SLC9C1: variants seen among roughly 807,000 people sequenced by gnomAD.
SLC9C1 encodes sodium/hydrogen exchanger 10.
SLC9C1 carries 97 observed loss-of-function variants against 140.9 expected under a neutral mutation model. The observed-to-expected ratio is 0.69, with a 90% CI of 0.58 to 0.82. SLC9C1 has a LOEUF of 0.82. Ranked by LOEUF, SLC9C1 falls within the 40% of genes least tolerant of loss-of-function variation. The probability of loss-of-function intolerance (pLI) is 0.00; values close to 1 mark genes in which losing one functional copy is unlikely to be tolerated. For synonymous variants in SLC9C1, 440 were observed against 442.6 expected, an observed-to-expected ratio of 0.99 and a Z score of 0.07; for missense variants, 1,340 against 1,389.3, an observed-to-expected ratio of 0.96 and a Z score of 0.56.
intron 10 of SLC9C1, among the ~76,000 whole-genome samples, chr3:112,257,341 C>T (rs1007503813): frequency 8.6e-5 from 13 of 151,996 alleles, no homozygotes; most frequent in Non-Finnish European, 4.4e-5. Context: ...GGTACTGGTA[C>T]AAAAACAGAC....
chr3:112,199,022 C>T (rs542830250), intron 20 of SLC9C1, among the ~76,000 whole-genome samples: 18 of 149,776 alleles, frequency 1.2e-4, no homozygotes, highest in Non-Finnish European at 2.5e-4. Flanking sequence ...AGATAATTCC[C>T]CAAACATAAT....
intron 12 of SLC9C1, among the ~76,000 whole-genome samples, chr3:112,232,422 T>C (rs2078853224): frequency 6.6e-6 from 1 of 152,142 alleles, no homozygotes; most frequent in Non-Finnish European, 1.5e-5. Context: ...CAATCAGGTA[T>C]TGGAAGCTAC....
chr3:112,238,999 T>C (rs1285210020), intron 12 of SLC9C1, among the ~76,000 whole-genome samples: 1 of 152,194 alleles, frequency 6.6e-6, no homozygotes, highest in Non-Finnish European at 1.5e-5. Flanking sequence ...GATAGGGACA[T>C]TTAAGCCTGC....
In SLC9C1 at chr3:112,180,684, A is replaced by G. The variant is rs745594802; in HGVS notation, c.2650-22T>C. 1.3e-5 allele frequency: 20 copies of G among 1,536,006 alleles called. No homozygotes were observed. The East Asian group carries it at 3.8e-4, about 29-fold the overall frequency. On this transcript the variant is annotated intron_variant, in intron 21 of 28. Coordinates refer to ENST00000305815, the MANE Select transcript of SLC9C1 (RefSeq NM_183061.3). ...TTTCCTAAAAGATACCACCAAATAC[A>G]TAAACTATAAACAACATTTTAGAAG...
chr3:112,234,139 A>T (rs1478847684), intron 12 of SLC9C1, among the ~76,000 whole-genome samples: 1 of 152,034 alleles, frequency 6.6e-6, no homozygotes, highest in Admixed American at 6.6e-5. Flanking sequence ...CCTCTCCAGC[A>T]CCTGTTGTTT....
At chr3:112,260,105 A>G (rs2079730663) in intron 10 of SLC9C1, among the ~76,000 whole-genome samples, 1 of 152,102 alleles carries the variant, frequency 6.6e-6, no homozygotes, top group Non-Finnish European at 1.5e-5. Context: ...GAGGAGTATT[A>G]AAGTGTCCAA....
rs908544202 is a variant in SLC9C1 at position 112,158,013 on chromosome 3, T to TC, written c.3365-2965dup. Among the ~76,000 whole-genome samples the TC allele has an allele frequency of 2.6e-5, 4 of 152,056 alleles. No individual in the cohort carries two copies. The East Asian group carries it at 7.7e-4, about 29-fold the overall frequency. ...TCCAAGTTGGATGCCTTTATTTTTTTCCCTCGCCTAATTGCTCTGGCTTGG... is the reference window on the plus strand; with the variant it reads ...TCCAAGTTGGATGCCTTTATTTTTTTCCCCTCGCCTAATTGCTCTGGCTTGG... On this transcript the variant is annotated intron_variant, in intron 26 of 28. Coordinates refer to ENST00000305815, the MANE Select transcript of SLC9C1 (RefSeq NM_183061.3).
intron 21 of SLC9C1, among the ~76,000 whole-genome samples, 166 bp from the exon 22 acceptor site, chr3:112,180,828 T>C (rs536218913): frequency 6.6e-4 from 100 of 152,308 alleles, no homozygotes; most frequent in Middle Eastern, 3.4e-3. Context: ...CTCCCCCTCC[T>C]GGGTTCAAGC....
In SLC9C1 at chr3:112,199,314, G is replaced by T; in HGVS notation, c.2523+7C>A. On this transcript the variant is annotated splice_region_variant and intron_variant, in intron 20 of 28. Coordinates refer to ENST00000305815, the MANE Select transcript of SLC9C1 (RefSeq NM_183061.3). ...AATATACTTGCTTTGAAAATATTTT[G>T]CCTTACCTTATTAATTCCAGCACCT... 2 of 1,547,046 alleles carry T rather than the reference G, an allele frequency of 1.3e-6. No individual in the cohort carries two copies. The highest frequency in any genetic ancestry group is 1.7e-6 in the Non-Finnish European group (2 of 1,149,572).
chr3:112,212,019 A>G (rs2078222334), intron 15 of SLC9C1, among the ~76,000 whole-genome samples: 1 of 152,224 alleles, frequency 6.6e-6, no homozygotes, highest in Non-Finnish European at 1.5e-5. Flanking sequence ...ATCCGGAGGA[A>G]TGATCAGGCA....
At chr3:112,180,712 G>A (rs766519601) in intron 21 of SLC9C1, 50 bp from the exon 22 acceptor site, 5 of 1,446,640 alleles carry the variant, frequency 3.5e-6, no homozygotes, top group African/African-American at 2.9e-5. Context: ...TTTAGAAGTG[G>A]TTGGGAATGT....
At chr3:112,201,673 A>G (rs942624839) in intron 18 of SLC9C1, among the ~76,000 whole-genome samples, 3 of 152,010 alleles carry the variant, frequency 2.0e-5, no homozygotes, top group East Asian at 1.9e-4. Context: ...CTTACTCACT[A>G]TGGAACTTTG....
intron 10 of SLC9C1, among the ~76,000 whole-genome samples, chr3:112,259,399 A>C (rs1486176208): frequency 6.7e-6 from 1 of 149,664 alleles, no homozygotes; most frequent in African/African-American, 2.4e-5. Context: ...AACCACTGTG[A>C]CATGAGTTTA....
At chr3:112,193,269 C>T (rs2077701624) in intron 20 of SLC9C1, among the ~76,000 whole-genome samples, 1 of 152,164 alleles carries the variant, frequency 6.6e-6, no homozygotes. Context: ...GGGTTGGAGC[C>T]ATGGGTCTGT....
At chr3:112,267,575 C>CAA (rs71933510) in intron 7 of SLC9C1, among the ~76,000 whole-genome samples, 13,694 of 56,816 alleles carry the variant, frequency 0.24, 1,875 homozygotes, top group Non-Finnish European at 0.28. Context: ...GACTCCGTCT[C>CAA]AAAAAAAAAA....
intron 13 of SLC9C1, among the ~76,000 whole-genome samples, chr3:112,223,657 ACAG>A (rs911898494): frequency 2.0e-5 from 3 of 152,178 alleles, no homozygotes; most frequent in African/African-American, 7.2e-5. Flanking sequence ...AAGAAATTAA[ACAG>A]CAAGAGAGGA....
intron 28 of SLC9C1, among the ~76,000 whole-genome samples, chr3:112,148,785 T>G (rs2074876640): frequency 2.0e-5 from 3 of 151,832 alleles, no homozygotes; most frequent in South Asian, 4.2e-4. Context: ...CCAAAAAGGG[T>G]GTGTCTTGAC....
intron 2 of SLC9C1, among the ~76,000 whole-genome samples, chr3:112,282,025 T>C (rs1026959828): frequency 6.6e-6 from 1 of 152,088 alleles, no homozygotes; most frequent in African/African-American, 2.4e-5. Flanking sequence ...AACCAACAAT[T>C]AACAGCAGAA....
intron 1 of SLC9C1, among the ~76,000 whole-genome samples, chr3:112,288,154 T>C (rs1296911935): frequency 4.0e-5 from 6 of 151,580 alleles, no homozygotes; most frequent in Non-Finnish European, 8.8e-5. Context: ...ACATCATATA[T>C]ACATATGATA....
Sources: gnomAD v4.1 joint callset for allele counts (sites outside exome capture counted in the v4.1 genomes callset) on GRCh38, gnomAD v4.1.1 for gene constraint, MANE v1.5 for transcripts, NCBI Gene and HGNC (gene_info 2026-07-23, HGNC 2026-07-21) for gene names.